The following P3H2 variants were observed in gnomAD, a reference collection of about 807,000 sequenced individuals.
P3H2 encodes leprecan-like 1.
A neutral mutation model predicts 87.0 loss-of-function variants in P3H2; 80 were observed. That is an observed-to-expected ratio of 0.92 (90% CI 0.77 to 1.11). The LOEUF (loss-of-function observed/expected upper bound fraction) is 1.11. Among genes scored for constraint, P3H2 ranks in the 50% least tolerant of loss-of-function variants. P3H2 has a pLI of 0.00. For synonymous variants in P3H2, 367 were observed against 359.3 expected, an observed-to-expected ratio of 1.02 and a Z score of -0.24; for missense variants, 1,001 against 923.9, an observed-to-expected ratio of 1.08 and a Z score of -1.08.
At chr3:190,027,453 G>C (rs1393538086) in intron 1 of P3H2, among the ~76,000 whole-genome samples, 1 of 151,904 alleles carries the variant, frequency 6.6e-6, no homozygotes, top group Non-Finnish European at 1.5e-5. Context: ...AACAGTACTG[G>C]AATAAAATAA....
chr3:190,009,546 G>A (rs1265221675), intron 1 of P3H2, among the ~76,000 whole-genome samples: 1 of 151,990 alleles, frequency 6.6e-6, no homozygotes, highest in African/African-American at 2.4e-5. Flanking sequence ...ATCCCAATAA[G>A]GTACTACACT....
chr3:190,060,470 T>A (rs543285751), intron 1 of P3H2, among the ~76,000 whole-genome samples: 23 of 152,236 alleles, frequency 1.5e-4, no homozygotes, highest in African/African-American at 5.5e-4. Context: ...AAGAGAAAAA[T>A]TTCCTGGATA....
At position 190,041,056 on chromosome 3, in the gene P3H2, ACACACACACACACACACACACACACT is replaced by A. The variant is rs1354107318; in HGVS notation, c.481-45640_481-45615del. On this transcript the variant is annotated intron_variant, in intron 1 of 14. Coordinates refer to ENST00000319332, the MANE Select transcript of P3H2 (RefSeq NM_018192.4). ...TATATATACACACACACACACACAC[ACACACACACACACACACACACACACT>A]CTCTCTCTCTATATATATATATATA... 3.3e-4 allele frequency among the ~76,000 whole-genome samples: 14 copies of A among 42,466 alleles called. 2 individuals are homozygous for A. Among genetic ancestry groups the A allele is most frequent in the African/African-American group, 2.2e-3 (14 of 6,436 alleles). The allele number at this position is 42,466 out of a possible 152,430, so 27.9% of individuals were successfully genotyped here. A position where few individuals can be genotyped will look rare whatever the true frequency, so the allele number is the denominator to read the frequency against.
chr3:190,002,270 A>T (rs710569), intron 1 of P3H2, among the ~76,000 whole-genome samples: 118,570 of 152,138 alleles, frequency 0.78, 46,430 homozygotes, highest in East Asian at 0.93. Flanking sequence ...AATTAATTTT[A>T]ACATCCATAG....
At chr3:190,095,032 C>A (rs1206825765) in intron 1 of P3H2, among the ~76,000 whole-genome samples, 1 of 151,850 alleles carries the variant, frequency 6.6e-6, no homozygotes, top group Non-Finnish European at 1.5e-5. Flanking sequence ...AAAGTAAGTT[C>A]CATTAGTTTT....
chr3:190,104,342 G>A (rs1225425796), intron 1 of P3H2, among the ~76,000 whole-genome samples: 3 of 152,084 alleles, frequency 2.0e-5, no homozygotes, highest in Non-Finnish European at 4.4e-5. Context: ...GAGACAGCAT[G>A]GACTTCCACC....
At chr3:190,034,113 T>A (rs538463673) in intron 1 of P3H2, among the ~76,000 whole-genome samples, 1 of 152,362 alleles carries the variant, frequency 6.6e-6, no homozygotes, top group South Asian at 2.1e-4. Context: ...TGTGGCAAGA[T>A]AAGACTCAAC....
intron 1 of P3H2, among the ~76,000 whole-genome samples, chr3:190,088,479 G>GAA (rs34610518): frequency 3.1e-4 from 47 of 152,230 alleles, no homozygotes; most frequent in African/African-American, 1.1e-3. Flanking sequence ...AAAACACATA[G>GAA]ATCTCTCTTG....
rs879286759 is a variant in P3H2, at chr3:189,973,507, C to CTTTTTTTT, written c.1548+401_1548+402insAAAAAAAA. ...TCAAAACTTTTTTCTTTCTTTCTTT[C>CTTTTTTTT]TTTCTTTTTTTTTTTTTTTTTTTTT... On this transcript the variant is annotated intron_variant, in intron 10 of 14. Coordinates refer to ENST00000319332, the MANE Select transcript of P3H2 (RefSeq NM_018192.4). Among the ~76,000 whole-genome samples, 407 of 78,886 alleles carry CTTTTTTTT rather than the reference C, an allele frequency of 5.2e-3. 17 individuals carry two copies. Among genetic ancestry groups the CTTTTTTTT allele is most frequent in the African/African-American group, 6.2e-3 (132 of 21,290 alleles). The allele number at this position is 78,886 out of a possible 152,430, so 51.8% of individuals were successfully genotyped here.
At chr3:190,114,407 C>T (rs905936023) in intron 1 of P3H2, among the ~76,000 whole-genome samples, 3 of 151,804 alleles carry the variant, frequency 2.0e-5, no homozygotes, top group African/African-American at 4.8e-5. Context: ...AGGATGGTCT[C>T]GATCTCCTGA....
chr3:189,990,083 T>C (rs1301196149), intron 3 of P3H2, among the ~76,000 whole-genome samples: 5 of 151,982 alleles, frequency 3.3e-5, no homozygotes, highest in Non-Finnish European at 7.4e-5. Context: ...AAAGGTTCTC[T>C]GTTTAGTCTG....
chr3:189,964,582 A>G (rs1322639255), intron 13 of P3H2, among the ~76,000 whole-genome samples: 1 of 152,246 alleles, frequency 6.6e-6, no homozygotes, highest in Non-Finnish European at 1.5e-5. Flanking sequence ...TCTAATTTTT[A>G]AATTGTACAT....
In P3H2 at chr3:189,995,410, A is replaced by T. The variant is rs1047479078; in HGVS notation, c.513T>A (p.Ala171=). Residue 171 remains alanine (A), a synonymous_variant, in exon 2 of 15, where the codon GCT becomes GCA. Transcript: ENST00000319332. ...LNQLEKAVEA[A]HTFFVANPEH... is the part of the protein sequence containing the mutation. ...CAGGGTTAGCCACGAAAAATGTGTG[A>T]GCTGCTTCCACTGCTTTTTCGAGCT... 1.9e-6 allele frequency: 3 copies of T among 1,613,942 alleles called. No homozygotes were observed. The highest frequency in any genetic ancestry group is 2.5e-6 in the Non-Finnish European group (3 of 1,180,016).
At chr3:189,966,167 GAA>G (rs1722998075) in intron 13 of P3H2, among the ~76,000 whole-genome samples, 3 of 147,660 alleles carry the variant, frequency 2.0e-5, no homozygotes, top group Admixed American at 1.4e-4. Context: ...AAGAAAGAAA[GAA>G]AGAAAGAAAG....
chr3:190,070,290 A>G (rs1726657182), intron 1 of P3H2, among the ~76,000 whole-genome samples: 1 of 152,112 alleles, frequency 6.6e-6, no homozygotes, highest in Admixed American at 6.5e-5. Flanking sequence ...CATTGGAGGA[A>G]TTGGTGGTAA....
intron 1 of P3H2, among the ~76,000 whole-genome samples, chr3:190,090,456 C>T (rs1483337352): frequency 2.0e-5 from 3 of 152,340 alleles, no homozygotes; most frequent in East Asian, 1.9e-4. Context: ...GTAATCCCAG[C>T]ACTTTGGGAG....
chr3:189,966,062 A>G (rs1722968393), intron 13 of P3H2, among the ~76,000 whole-genome samples: 1 of 128,468 alleles, frequency 7.8e-6, no homozygotes, highest in African/African-American at 4.0e-5. Context: ...GAAAGAAAGA[A>G]AGAGAAAGAA....
At chr3:190,055,421 G>T (rs1165120205) in intron 1 of P3H2, among the ~76,000 whole-genome samples, 1 of 149,876 alleles carries the variant, frequency 6.7e-6, no homozygotes, top group East Asian at 2.0e-4. Flanking sequence ...ACTTAAAAAA[G>T]AATCACCATA....
intron 1 of P3H2, among the ~76,000 whole-genome samples, chr3:190,040,079 T>G (rs1725560370): frequency 6.6e-6 from 1 of 152,228 alleles, no homozygotes; most frequent in Admixed American, 6.5e-5. Flanking sequence ...TTAATCTTTT[T>G]ATATGTAATA....
Sources: allele counts gnomAD v4.1 joint callset (sites outside exome capture counted in the v4.1 genomes callset), GRCh38; gene constraint gnomAD v4.1.1; transcripts MANE v1.5; gene names NCBI Gene and HGNC (gene_info 2026-07-23, HGNC 2026-07-21).